NSL1: variants seen among roughly 807,000 people sequenced by gnomAD.
NSL1 encodes kinetochore-associated protein NSL1 homolog.
In NSL1, 11 loss-of-function variants were observed where a neutral mutation model predicts 25.4. The ratio of observed to expected loss-of-function variants is 0.43; its 90% CI spans 0.27 to 0.72. NSL1 has a LOEUF of 0.72. Among genes scored for constraint, NSL1 ranks in the 30% least tolerant of loss-of-function variants. The pLI is 0.19. For synonymous variants in NSL1, 118 were observed against 120.6 expected (o/e 0.98, Z 0.14); for missense variants, 330 against 342.7 (o/e 0.96, Z 0.29).
At chr1:212,740,792 T>A (rs1658468554) in intron 4 of NSL1, among the ~76,000 whole-genome samples, 1 of 152,196 alleles carries the variant, frequency 6.6e-6, no homozygotes, top group South Asian at 2.1e-4. Context: ...AAATAAAATT[T>A]AAAATGTAAG....
At chr1:212,747,685 T>C (rs1262923689) in intron 4 of NSL1, among the ~76,000 whole-genome samples, 1 of 152,240 alleles carries the variant, frequency 6.6e-6, no homozygotes, top group African/African-American at 2.4e-5. Flanking sequence ...AGATAACTAA[T>C]ACAACATGAG....
intron 4 of NSL1, among the ~76,000 whole-genome samples, chr1:212,750,405 A>T (rs1659014990): frequency 6.6e-6 from 1 of 152,166 alleles, no homozygotes. Flanking sequence ...AACACGATTT[A>T]AAACATGAGA....
intron 4 of NSL1, among the ~76,000 whole-genome samples, chr1:212,748,979 C>A (rs1005708859): frequency 6.6e-6 from 1 of 151,974 alleles, no homozygotes; most frequent in African/African-American, 2.4e-5. Context: ...TTATTGTATA[C>A]ATGAAAACAT....
intron 4 of NSL1, among the ~76,000 whole-genome samples, chr1:212,750,439 G>A (rs925507925): frequency 5.3e-5 from 8 of 152,088 alleles, no homozygotes; most frequent in African/African-American, 1.9e-4. Context: ...TTCCCAGGAC[G>A]ATGATGAAAG....
At chr1:212,789,453 C>A (rs1661082707) in intron 1 of NSL1, among the ~76,000 whole-genome samples, 2 of 149,388 alleles carry the variant, frequency 1.3e-5, no homozygotes, top group Non-Finnish European at 1.5e-5. Context: ...CTCAGGTGAT[C>A]CGCCCGCCTC....
chr1:212,739,967 A>T (rs1658429553), intron 4 of NSL1, among the ~76,000 whole-genome samples: 1 of 152,178 alleles, frequency 6.6e-6, no homozygotes, highest in African/African-American at 2.4e-5. Flanking sequence ...AGTAACACAT[A>T]TTCGATCTTA....
rs1248806424 is a variant in NSL1 at position 212,733,373 on chromosome 1, A to C, written c.*5035T>G. On this transcript the variant is annotated 3_prime_UTR_variant, in exon 6 of 6. Transcript: ENST00000366977. ...CTTGAGTTGCGGGGGCAGAGGTTGC[A>C]GTAAGCCAAGATAGCACCACTGTAC... is the stretch of plus-strand genomic sequence containing the variant. Among the ~76,000 whole-genome samples, 2 of 151,112 alleles carry C rather than the reference A, an allele frequency of 1.3e-5. No individual in the cohort carries two copies. The highest frequency in any genetic ancestry group is 1.9e-4 in the East Asian group (1 of 5,162).
Position 212,738,498 on chromosome 1 carries a change from A to G in NSL1, c.756T>C (p.Ser252=). The change falls in exon 6 of 6, where the codon TCT becomes TCC. Residue 252 remains serine, a synonymous_variant. Coordinates refer to ENST00000366977, the MANE Select transcript of NSL1 (RefSeq NM_015471.4). ...TPTETASRKT[S]DMVLKRKQTK... ...TTTGCTTTCTTTTCAGTACCATGTC[A>G]GAGGTTTTCCTGGAAGCAGTCTCTG... is the stretch of plus-strand genomic sequence containing the variant. The G allele has an allele frequency of 6.2e-7, 1 of 1,614,110 alleles. No homozygotes were observed. The highest frequency in any genetic ancestry group is 8.5e-7 in the Non-Finnish European group (1 of 1,180,014).
chr1:212,789,603 A>G (rs1661091125), intron 1 of NSL1, among the ~76,000 whole-genome samples: 3 of 152,256 alleles, frequency 2.0e-5, no homozygotes, highest in Admixed American at 1.3e-4. Flanking sequence ...GACTGCTACC[A>G]ATACTGTTTT....
intron 4 of NSL1, among the ~76,000 whole-genome samples, chr1:212,756,309 G>A (rs113033328): frequency 0.015 from 2,326 of 152,022 alleles, 60 homozygotes; most frequent in African/African-American, 0.053. Flanking sequence ...TTGTAGAGAC[G>A]GGGTTTTGCC....
intron 4 of NSL1, chr1:212,782,082 A>C (rs1400098411): frequency 3.1e-6 from 2 of 636,014 alleles, no homozygotes; most frequent in South Asian, 1.4e-5. Context: ...ACAATGACAG[A>C]GATAGGAGGG....
At chr1:212,766,391 C>G (rs1460052481) in intron 4 of NSL1, 1 of 427,874 alleles carries the variant, frequency 2.3e-6, no homozygotes, top group Admixed American at 4.2e-5. Flanking sequence ...GGAACCCAAA[C>G]TGTCACTGTT....
rs1162504860 is a variant in NSL1, at chr1:212,732,773, G to A, written c.*5635C>T. 1 of 356,682 alleles carries A rather than the reference G, an allele frequency of 2.8e-6. No homozygotes were observed. Among genetic ancestry groups the A allele is most frequent in the African/African-American group, 2.2e-5 (1 of 45,030 alleles). 22.1% of individuals were successfully genotyped at this position (356,682 alleles called of 1,614,324 possible). On this transcript the variant is annotated 3_prime_UTR_variant, in exon 6 of 6. Coordinates refer to ENST00000366977, the MANE Select transcript of NSL1 (RefSeq NM_015471.4). Reference sequence around the variant, plus strand: ...CCCTGGTAGAACCCCCAAACGGGATGCCTTGGAGGTAATTTTTTTTGACGC... The same window carrying A: ...CCCTGGTAGAACCCCCAAACGGGATACCTTGGAGGTAATTTTTTTTGACGC...
At chr1:212,783,243 C>T (rs1303568342) in intron 3 of NSL1, among the ~76,000 whole-genome samples, 1 of 152,112 alleles carries the variant, frequency 6.6e-6, no homozygotes, top group African/African-American at 2.4e-5. Context: ...ACAGCAGTAC[C>T]TCACCTAGGC....
intron 4 of NSL1, among the ~76,000 whole-genome samples, chr1:212,763,654 C>T (rs562104837): frequency 2.0e-5 from 3 of 152,262 alleles, no homozygotes; most frequent in Non-Finnish European, 4.4e-5. Flanking sequence ...ACAAAACAGA[C>T]TTTAAAGCAA....
intron 4 of NSL1, chr1:212,766,052 C>T (rs6688238): frequency 0.17 from 60,735 of 348,426 alleles, 6,534 homozygotes; most frequent in African/African-American, 0.38. Flanking sequence ...AGGAGAATGG[C>T]GTGAACCTGG....
In NSL1 at chr1:212,735,711, TA is replaced by T. The variant is rs769686841; in HGVS notation, c.*2696del. 11 of 258,688 alleles carry T rather than the reference TA, an allele frequency of 4.3e-5. No homozygotes were observed. The South Asian group carries it at 1.6e-3, about 37-fold the overall frequency. The allele number at this position is 258,688 out of a possible 1,614,324, so 16.0% of individuals were successfully genotyped here. On this transcript the variant is annotated 3_prime_UTR_variant, in exon 6 of 6. Transcript: ENST00000366977. ...TCTGATCTGATACAATTGGTGTCCT[TA>T]TAAGAAGAGACACCAGAGAGCTTGC...
Position 212,734,440 on chromosome 1 carries a change from A to T in NSL1, c.*3968T>A, listed in dbSNP as rs1168441021. Among the ~76,000 whole-genome samples, 3 of 152,218 alleles carry T rather than the reference A, an allele frequency of 2.0e-5. No homozygotes were observed. Among genetic ancestry groups the T allele is most frequent in the Admixed American group, 6.5e-5 (1 of 15,286 alleles). On this transcript the variant is annotated 3_prime_UTR_variant, in exon 6 of 6. Transcript: ENST00000366977. ...AATAAAGTGCAGAAATTTTAAGTGTATAGTTCAACAAAATTTTACATACAT... is the reference window on the plus strand; with the variant it reads ...AATAAAGTGCAGAAATTTTAAGTGTTTAGTTCAACAAAATTTTACATACAT...
At chr1:212,777,491 A>G (rs972288848) in intron 4 of NSL1, among the ~76,000 whole-genome samples, 1 of 152,272 alleles carries the variant, frequency 6.6e-6, no homozygotes, top group African/African-American at 2.4e-5. Flanking sequence ...TACAATAGCT[A>G]AATGAATAGA....
Sources: allele counts gnomAD v4.1 joint callset (sites outside exome capture counted in the v4.1 genomes callset), GRCh38; gene constraint gnomAD v4.1.1; transcripts MANE v1.5; gene names NCBI Gene and HGNC (gene_info 2026-07-23, HGNC 2026-07-21).